Variants in GPC6 observed in about 807,000 individuals in gnomAD.
GPC6 encodes glypican 6, also known as glypican-6.
A neutral mutation model predicts 55.2 loss-of-function variants in GPC6; 14 were observed. That is an observed-to-expected ratio of 0.25 (90% CI 0.17 to 0.40). The LOEUF (loss-of-function observed/expected upper bound fraction) is 0.40. GPC6 is among the 10% of genes least tolerant of loss of function. GPC6 has a pLI of 1.00. For synonymous variants in GPC6, 278 were observed against 259.6 expected (o/e 1.07, Z -0.68); for missense variants, 641 against 708.5 (o/e 0.90, Z 1.08).
intron 4 of GPC6, among the ~76,000 whole-genome samples, chr13:94,189,849 G>A (rs897375928): frequency 2.6e-5 from 4 of 151,962 alleles, no homozygotes; most frequent in Middle Eastern, 3.4e-3. Context: ...GTGAAACGCC[G>A]TCTCTACTAA....
At chr13:93,280,333 A>C (rs575821894) in intron 1 of GPC6, among the ~76,000 whole-genome samples, 2 of 152,302 alleles carry the variant, frequency 1.3e-5, no homozygotes, top group South Asian at 4.1e-4. Flanking sequence ...TCCTTTCTGT[A>C]GGTTTTTACC....
At chr13:94,212,197 T>C (rs1434966905) in intron 4 of GPC6, among the ~76,000 whole-genome samples, 1 of 152,034 alleles carries the variant, frequency 6.6e-6, no homozygotes, top group Non-Finnish European at 1.5e-5. Context: ...AACAAACTTA[T>C]TTTTTTTCAA....
intron 1 of GPC6, among the ~76,000 whole-genome samples, chr13:93,279,723 G>T (rs1877880094): frequency 1.3e-5 from 2 of 152,150 alleles, no homozygotes; most frequent in African/African-American, 4.8e-5. Context: ...AAATCAGTAT[G>T]ATATAACTCT....
chr13:94,018,836 A>G (rs941351713), intron 3 of GPC6, among the ~76,000 whole-genome samples: 3 of 152,090 alleles, frequency 2.0e-5, no homozygotes, highest in African/African-American at 7.2e-5. Context: ...TGTGGACCCT[A>G]TTGTGAACTG....
Position 93,227,380 on chromosome 13 carries a change from C to T in GPC6, c.-77C>T. The T allele has an allele frequency of 1.4e-6, 2 of 1,470,006 alleles. No homozygotes were observed. The highest frequency in any genetic ancestry group is 1.9e-6 in the Non-Finnish European group (2 of 1,065,508). 91.1% of individuals were successfully genotyped at this position (1,470,006 alleles called of 1,614,324 possible). Reference sequence around the variant, plus strand: ...GCGAGGAGCGCGCCGCTGCCTCTGGCGGGCTTTCGGCTTGAGGGGCAAGGT... The same window carrying T: ...GCGAGGAGCGCGCCGCTGCCTCTGGTGGGCTTTCGGCTTGAGGGGCAAGGT... On this transcript the variant is annotated 5_prime_UTR_variant, in exon 1 of 9. Coordinates refer to ENST00000377047, the MANE Select transcript of GPC6 (RefSeq NM_005708.5). The surrounding 1 kb of genome is among the most constrained non-coding windows in gnomAD (Gnocchi z 4.3).
At chr13:94,232,942 C>A (rs981046747) in intron 4 of GPC6, among the ~76,000 whole-genome samples, 3 of 141,480 alleles carry the variant, frequency 2.1e-5, no homozygotes, top group African/African-American at 7.7e-5. Flanking sequence ...GTAAATGTCA[C>A]ATTTTAAATC....
intron 4 of GPC6, among the ~76,000 whole-genome samples, chr13:94,062,330 C>A: frequency 6.6e-6 from 1 of 152,072 alleles, no homozygotes; most frequent in East Asian, 1.9e-4. Context: ...TGGCTCACTG[C>A]AACCTCTGCC....
intron 4 of GPC6, among the ~76,000 whole-genome samples, chr13:94,102,265 G>A (rs957059656): frequency 2.0e-5 from 3 of 152,118 alleles, no homozygotes; most frequent in East Asian, 1.9e-4. Flanking sequence ...CCAAAGCTGT[G>A]TTTAGGTAGG....
At chr13:94,043,713 T>C (rs532802540) in intron 4 of GPC6, among the ~76,000 whole-genome samples, 3 of 152,022 alleles carry the variant, frequency 2.0e-5, no homozygotes, top group East Asian at 3.9e-4. Context: ...TGCAATATAT[T>C]AACATATTTG....
At chr13:93,354,349 A>ATTTT (rs11454186) in intron 1 of GPC6, among the ~76,000 whole-genome samples, 8,015 of 115,582 alleles carry the variant, frequency 0.069, 517 homozygotes, top group East Asian at 0.14. Context: ...CCGTTGGTAG[A>ATTTT]TTTTTTTTTT....
At chr13:94,375,383 A>G (rs910973199) in intron 6 of GPC6, among the ~76,000 whole-genome samples, 4 of 152,220 alleles carry the variant, frequency 2.6e-5, no homozygotes, top group East Asian at 1.9e-4. Context: ...CCGATCCCAC[A>G]GAAATACAAA....
intron 6 of GPC6, among the ~76,000 whole-genome samples, chr13:94,360,496 T>C (rs1383177912): frequency 6.6e-6 from 1 of 152,192 alleles, no homozygotes; most frequent in Non-Finnish European, 1.5e-5. Context: ...TAGTCTTGTA[T>C]TTGTTTGGAG....
At chr13:94,040,949 T>C (rs1419408740) in intron 4 of GPC6, among the ~76,000 whole-genome samples, 3 of 151,868 alleles carry the variant, frequency 2.0e-5, no homozygotes, top group African/African-American at 7.2e-5. Flanking sequence ...TTGATAGATA[T>C]TAAAATCCAT....
chr13:93,249,594 T>C (rs1876717037), intron 1 of GPC6, among the ~76,000 whole-genome samples: 2 of 152,208 alleles, frequency 1.3e-5, no homozygotes, highest in Admixed American at 1.3e-4. Flanking sequence ...CCTTGTCAAA[T>C]TGGAGGTTTT....
intron 1 of GPC6, among the ~76,000 whole-genome samples, chr13:93,424,006 G>T (rs1877025426): frequency 6.6e-6 from 1 of 152,050 alleles, no homozygotes; most frequent in African/African-American, 2.4e-5. Context: ...AGGATATTGT[G>T]TCTGGCTTTT....
At chr13:93,834,518 C>G (rs550224888) in intron 3 of GPC6, among the ~76,000 whole-genome samples, 1 of 152,168 alleles carries the variant, frequency 6.6e-6, no homozygotes, top group East Asian at 1.9e-4. Flanking sequence ...AGGAGGGATA[C>G]ATAGAGATAT....
chr13:93,419,192 T>C (rs555832212), intron 1 of GPC6, among the ~76,000 whole-genome samples: 17 of 151,496 alleles, frequency 1.1e-4, no homozygotes, highest in East Asian at 2.0e-4. Flanking sequence ...GGTACTTATA[T>C]TCAGGTCAAC....
chr13:93,700,610 T>C (rs1882634303), intron 2 of GPC6, among the ~76,000 whole-genome samples: 1 of 152,128 alleles, frequency 6.6e-6, no homozygotes, highest in Non-Finnish European at 1.5e-5. Flanking sequence ...TTTTTGGTAG[T>C]GATACATTTT....
intron 4 of GPC6, among the ~76,000 whole-genome samples, chr13:94,081,972 C>T (rs1250650015): frequency 6.6e-6 from 1 of 151,736 alleles, no homozygotes; most frequent in African/African-American, 2.4e-5. Context: ...TCCCAAGTAG[C>T]TGGGACTACA....
Sources: allele counts gnomAD v4.1 joint callset (sites outside exome capture counted in the v4.1 genomes callset), GRCh38; gene constraint gnomAD v4.1.1; non-coding constraint Gnocchi (gnomAD v3.1); transcripts MANE v1.5; gene names NCBI Gene and HGNC (gene_info 2026-07-23, HGNC 2026-07-21).